RPSA2: variants seen among roughly 807,000 people sequenced by gnomAD.
RPSA2 encodes small ribosomal subunit protein uS2B.
chr19:23,839,057 T>C, the RPSA2 span, among the ~76,000 whole-genome samples: 2 of 152,216 alleles, frequency 1.3e-5, no homozygotes, highest in Non-Finnish European at 2.9e-5. Flanking sequence ...TTCAAACTTT[T>C]TGATGTAGGC....
chr19:23,763,619 C>A, the RPSA2 span, among the ~76,000 whole-genome samples: 1 of 152,108 alleles, frequency 6.6e-6, no homozygotes, highest in African/African-American at 2.4e-5. Flanking sequence ...CAGACCTGCG[C>A]CACCCCGCCT....
At chr19:23,762,469 A>G in the RPSA2 span, among the ~76,000 whole-genome samples, 1 of 151,728 alleles carries the variant, frequency 6.6e-6, no homozygotes, top group African/African-American at 2.4e-5. Context: ...TGGGATCTGG[A>G]GTTCGAGAGC....
chr19:23,766,749 G>C, the RPSA2 span, among the ~76,000 whole-genome samples: 1 of 117,350 alleles, frequency 8.5e-6, no homozygotes, highest in Non-Finnish European at 1.7e-5. Flanking sequence ...CCACCGTGCC[G>C]GGCCAAATGT....
At chr19:23,832,816 T>C in the RPSA2 span, 1 of 1,577,638 alleles carries the variant, frequency 6.3e-7, no homozygotes. Flanking sequence ...ATGTGAAGAA[T>C]GTGGCAAAGC....
chr19:23,852,304 G>T, the RPSA2 span, among the ~76,000 whole-genome samples: 1 of 151,084 alleles, frequency 6.6e-6, no homozygotes, highest in Non-Finnish European at 1.5e-5. Flanking sequence ...AGACCAGCTC[G>T]GTTGGGGAGA....
chr19:23,843,463 C>T, the RPSA2 span, among the ~76,000 whole-genome samples: 1 of 152,136 alleles, frequency 6.6e-6, no homozygotes, highest in East Asian at 1.9e-4. Context: ...TCTTTATGGA[C>T]TCTACTTCCT....
At chr19:23,829,294 G>A in the RPSA2 span, among the ~76,000 whole-genome samples, 148,889 of 152,224 alleles carry the variant, frequency 0.98, 72,906 homozygotes, top group Middle Eastern at 1. Flanking sequence ...ATATGCTTTC[G>A]CTTATTTATT....
At chr19:23,801,239 T>A in the RPSA2 span, among the ~76,000 whole-genome samples, 3 of 148,954 alleles carry the variant, frequency 2.0e-5, no homozygotes, top group African/African-American at 7.5e-5. Flanking sequence ...AGTCTTTTTT[T>A]TTTTAGGGGA....
At chr19:23,785,974 C>T in the RPSA2 span, among the ~76,000 whole-genome samples, 3 of 152,206 alleles carry the variant, frequency 2.0e-5, no homozygotes, top group Non-Finnish European at 4.4e-5. Flanking sequence ...TTGTGGTTCT[C>T]ATGTGCACAC....
At chr19:23,769,006 G>T in the RPSA2 span, among the ~76,000 whole-genome samples, 2 of 152,170 alleles carry the variant, frequency 1.3e-5, no homozygotes, top group Non-Finnish European at 2.9e-5. Flanking sequence ...GCCGGGCCTT[G>T]CCCACAGAAG....
chr19:23,847,362 T>G, the RPSA2 span, among the ~76,000 whole-genome samples: 8 of 152,206 alleles, frequency 5.3e-5, no homozygotes, highest in Admixed American at 5.2e-4. Flanking sequence ...AGGTTCTTTC[T>G]GTTTTCCATA....
chr19:23,792,542 G>A, the RPSA2 span, among the ~76,000 whole-genome samples: 4 of 150,766 alleles, frequency 2.7e-5, no homozygotes, highest in Non-Finnish European at 4.4e-5. Flanking sequence ...TTTCGAAGGA[G>A]TATTGCAACA....
chr19:23,781,737 G>C, the RPSA2 span, among the ~76,000 whole-genome samples: 11 of 152,334 alleles, frequency 7.2e-5, no homozygotes, highest in Admixed American at 7.2e-4. Flanking sequence ...CATACAGGAG[G>C]TGTTGATTCT....
chr19:23,822,919 G>A, the RPSA2 span, among the ~76,000 whole-genome samples: 1 of 151,524 alleles, frequency 6.6e-6, no homozygotes, highest in Non-Finnish European at 1.5e-5. Flanking sequence ...TTTTTTTGGT[G>A]GCTTAGGCTC....
the RPSA2 span, among the ~76,000 whole-genome samples, chr19:23,859,229 C>T: frequency 1 from 152,323 of 152,354 alleles, 76,147 homozygotes; most frequent in Non-Finnish European, 1. Context: ...AAAACTGCTA[C>T]GTACAAACAT....
chr19:23,776,857 A>C, the RPSA2 span, among the ~76,000 whole-genome samples: 1 of 152,084 alleles, frequency 6.6e-6, no homozygotes, highest in African/African-American at 2.4e-5. Flanking sequence ...GCATTGTAAC[A>C]TATCACTTGG....
the RPSA2 span, among the ~76,000 whole-genome samples, chr19:23,785,358 G>A: frequency 6.6e-6 from 1 of 151,992 alleles, no homozygotes; most frequent in South Asian, 2.1e-4. Flanking sequence ...CTATAAAAAG[G>A]GAGGCTTCTG....
chr19:23,758,744 C>T, the RPSA2 span: 2 of 1,614,232 alleles, frequency 1.2e-6, no homozygotes, highest in Non-Finnish European at 1.7e-6. Context: ...CCGACATTCT[C>T]ACCATTTCTA....
chr19:23,790,292 C>T, the RPSA2 span, among the ~76,000 whole-genome samples: 3 of 152,170 alleles, frequency 2.0e-5, no homozygotes, highest in East Asian at 1.9e-4. Flanking sequence ...CCGCTGGACC[C>T]GGCCTGATTT....
Sources: allele counts gnomAD v4.1 joint callset (sites outside exome capture counted in the v4.1 genomes callset), GRCh38; gene constraint gnomAD v4.1.1; transcripts MANE v1.5; gene names NCBI Gene and HGNC (gene_info 2026-07-23, HGNC 2026-07-21).